The following TRIM49 variants were observed in gnomAD, a reference collection of about 807,000 sequenced individuals.
The protein encoded by TRIM49 is tripartite motif containing 49.
Under a neutral mutation model 27.4 loss-of-function variants are expected in TRIM49, and 5 were observed. The ratio of observed to expected loss-of-function variants is 0.18; its 90% CI spans 0.10 to 0.38. The LOEUF is 0.38. TRIM49 is among the 10% of genes least tolerant of loss of function. The pLI is 1.00. For missense variants in TRIM49, 188 were observed against 487.5 expected (o/e 0.39, Z 5.79); for synonymous variants, 69 against 166.0 (o/e 0.42, Z 4.49).
chr11:89,806,379 T>G (rs1949789614), intron 2 of TRIM49, among the ~76,000 whole-genome samples: 1 of 148,742 alleles, frequency 6.7e-6, no homozygotes, highest in Non-Finnish European at 1.5e-5. Context: ...TAATCTTTGT[T>G]TTGGCAATTT....
At chr11:89,779,850 A>T in the TRIM49 span, among the ~76,000 whole-genome samples, 2 of 106,688 alleles carry the variant, frequency 1.9e-5, 1 homozygote, top group African/African-American at 6.8e-5. Flanking sequence ...TTTGTTTCAA[A>T]AGAGGGCCTG....
rs1263622623 is a variant in TRIM49, at chr11:89,798,690, G to A, written c.860-61C>T. On this transcript the variant is annotated intron_variant, in intron 7 of 7. Transcript: ENST00000329758. ...ATGTGTAAATAAGAAAAAAATAATT[G>A]TTCTATCAAGAAGTTACTTTACCAG... The A allele has an allele frequency of 2.6e-5, 36 of 1,407,692 alleles. 3 individuals carry two copies. The highest frequency in any genetic ancestry group is 3.3e-5 in the Non-Finnish European group (36 of 1,091,950). The allele number at this position is 1,407,692 out of a possible 1,614,324, so 87.2% of individuals were successfully genotyped here. A position where few individuals can be genotyped will look rare whatever the true frequency, so the allele number is the denominator to read the frequency against.
chr11:89,768,930 C>A, the TRIM49 span: 16 of 457,782 alleles, frequency 3.5e-5, 2 homozygotes, highest in East Asian at 6.8e-4. Flanking sequence ...TGTAATCCCA[C>A]CACTTTGGGA....
chr11:89,793,110 T>C (rs1191704799), downstream of TRIM49, among the ~76,000 whole-genome samples: 3 of 152,174 alleles, frequency 2.0e-5, no homozygotes, highest in African/African-American at 4.8e-5. Context: ...GTGAATACTA[T>C]AAACACCTCT....
At chr11:89,800,928 C>G in intron 6 of TRIM49, 38 bp downstream of exon 6, 1 of 1,206,562 alleles carries the variant, frequency 8.3e-7, no homozygotes, top group Non-Finnish European at 1.1e-6. Context: ...GTCGTGGAAT[C>G]TTAAAGAACA....
At chr11:89,766,971 G>A in the TRIM49 span, 1 of 881,426 alleles carries the variant, frequency 1.1e-6, no homozygotes, top group Non-Finnish European at 1.7e-6. Context: ...AAAATAGTCA[G>A]ATCTGTCAGA....
the TRIM49 span, chr11:89,777,820 CTTAAT>C: frequency 2.0e-6 from 1 of 489,760 alleles, no homozygotes; most frequent in South Asian, 2.2e-5. Context: ...TTCACTCTAA[CTTAAT>C]TTATGTTTCT....
chr11:89,777,491 G>A, the TRIM49 span: 1 of 1,463,912 alleles, frequency 6.8e-7, no homozygotes, highest in Non-Finnish European at 9.1e-7. Context: ...TGGAGGTGGT[G>A]ATTATTCCAT....
At chr11:89,776,903 C>A in the TRIM49 span, 16 of 1,475,820 alleles carry the variant, frequency 1.1e-5, 2 homozygotes, top group South Asian at 2.2e-4. Context: ...TGTCCACCGG[C>A]CTTTTTTTCC....
intron 5 of TRIM49, 123 bp downstream of exon 5, chr11:89,801,579 T>TA: frequency 1.3e-6 from 1 of 793,216 alleles, no homozygotes; most frequent in South Asian, 1.7e-5. Context: ...TAGCATTAGT[T>TA]ATGTGAATGT....
the TRIM49 span, chr11:89,768,307 T>C: frequency 6.9e-6 from 10 of 1,453,048 alleles, 1 homozygote. Context: ...GTAGGTTGAG[T>C]TGGTTAAGTT....
rs544326309 is a variant in TRIM49 at position 89,804,692 on chromosome 11, C to T, written c.-4-219G>A. Among the ~76,000 whole-genome samples, 9 of 151,690 alleles carry T rather than the reference C, an allele frequency of 5.9e-5. No individual in the cohort carries two copies. The South Asian group carries it at 1.7e-3, about 28-fold the overall frequency. On this transcript the variant is annotated intron_variant, in intron 2 of 7. Transcript: ENST00000329758. ...ACCAGAGGACTCACAGTCCCTTCTACTCCTAGTTCCTGTCTGTAGCATAAT... is the reference window on the plus strand; with the variant it reads ...ACCAGAGGACTCACAGTCCCTTCTATTCCTAGTTCCTGTCTGTAGCATAAT...
the TRIM49 span, among the ~76,000 whole-genome samples, chr11:89,767,351 C>A: frequency 5.2e-5 from 7 of 134,186 alleles, no homozygotes; most frequent in East Asian, 1.3e-3. Flanking sequence ...GAACCTCTTG[C>A]ACTGCAGCCA....
At chr11:89,806,363 A>G (rs1157737874) in intron 2 of TRIM49, among the ~76,000 whole-genome samples, 1 of 149,588 alleles carries the variant, frequency 6.7e-6, no homozygotes, top group Non-Finnish European at 1.5e-5. Context: ...ACTAATATAA[A>G]AACTATAATC....
chr11:89,800,842 G>A lies in TRIM49; in HGVS notation c.761+124C>T, dbSNP rs530327155. 20 of 586,328 alleles carry A rather than the reference G, an allele frequency of 3.4e-5. 1 individual carries two copies. In the African/African-American group the frequency reaches 4.1e-4, roughly 12 times the overall value. 36.3% of individuals were successfully genotyped at this position (586,328 alleles called of 1,614,324 possible). A position where few individuals can be genotyped will look rare whatever the true frequency, so the allele number is the denominator to read the frequency against. On this transcript the variant is annotated intron_variant, in intron 6 of 7. Transcript: ENST00000329758. ...GCCTTGTCTTTTAAGGTGTGGGAAC[G>A]AAAGTAGATGCAAAAAAAAGTGGTA... is the stretch of plus-strand genomic sequence containing the variant.
At chr11:89,793,835 G>T (rs146402044), downstream of TRIM49, among the ~76,000 whole-genome samples, 44 of 152,048 alleles carry the variant, frequency 2.9e-4, 5 homozygotes, top group East Asian at 8.3e-3. Flanking sequence ...TGCAAGACAG[G>T]GATACTCTTT....
downstream of TRIM49, among the ~76,000 whole-genome samples, chr11:89,794,035 CAA>C (rs1235835199): frequency 6.4e-4 from 91 of 143,092 alleles, no homozygotes; most frequent in African/African-American, 2.1e-3. Context: ...GCAACTTCAG[CAA>C]AGTCACAGGG....
Position 89,803,803 on chromosome 11 carries a change from A to C in TRIM49, c.412-10T>G, listed in dbSNP as rs1949760127. 1 of 1,279,048 alleles carries C rather than the reference A, an allele frequency of 7.8e-7. No individual in the cohort carries two copies. The highest frequency in any genetic ancestry group is 2.5e-5 in the East Asian group (1 of 39,576). The allele number at this position is 1,279,048 out of a possible 1,614,324, so 79.2% of individuals were successfully genotyped here. ...TCTGTAAAAGCTTCTCCTGCAAAAG[A>C]GCCATAAATTGAAGCACCAGTGCAG... On this transcript the variant is annotated splice_polypyrimidine_tract_variant and intron_variant, in intron 3 of 7. Transcript: ENST00000329758.
chr11:89,776,903 C>T, the TRIM49 span: 2 of 1,475,820 alleles, frequency 1.4e-6, no homozygotes, highest in Non-Finnish European at 1.8e-6. Flanking sequence ...TGTCCACCGG[C>T]CTTTTTTTCC....
Sources: gnomAD v4.1 joint callset for allele counts (sites outside exome capture counted in the v4.1 genomes callset) on GRCh38, gnomAD v4.1.1 for gene constraint, MANE v1.5 for transcripts, NCBI Gene and HGNC (gene_info 2026-07-23, HGNC 2026-07-21) for gene names.